Variants in CCR3 observed in about 807,000 individuals in gnomAD.
CCR3 encodes the protein C-C chemokine receptor type 3.
For synonymous variants in CCR3, 203 were observed against 179.2 expected (o/e 1.13, Z -1.06); for missense variants, 419 against 437.5 (o/e 0.96, Z 0.38).
chr3:46,230,763 G>A (rs574767550), intron 2 of CCR3, among the ~76,000 whole-genome samples: 73 of 152,202 alleles, frequency 4.8e-4, no homozygotes, highest in African/African-American at 1.7e-3. Context: ...GAGCCTGGGT[G>A]CATTAAAGTC....
At chr3:46,243,010 C>CATATATATATATATATAT (rs1700122551) in intron 1 of CCR3, among the ~76,000 whole-genome samples, 2 of 58,164 alleles carry the variant, frequency 3.4e-5, no homozygotes, top group African/African-American at 2.5e-4. Context: ...TATACGCACA[C>CATATATATATATATATAT]ACACATACAT....
intron 1 of CCR3, among the ~76,000 whole-genome samples, chr3:46,262,227 T>C (rs1280949712): frequency 6.6e-6 from 1 of 152,256 alleles, no homozygotes; most frequent in Non-Finnish European, 1.5e-5. Flanking sequence ...TAAACCACTT[T>C]GGACTAAAAT....
At chr3:46,239,128 G>A (rs937560346), upstream of CCR3, among the ~76,000 whole-genome samples, 10 of 152,266 alleles carry the variant, frequency 6.6e-5, no homozygotes, top group East Asian at 1.9e-4. Context: ...GAGGGAAATC[G>A]TAGAGATTAT....
intron 1 of CCR3, among the ~76,000 whole-genome samples, chr3:46,243,264 T>C (rs1301554167): frequency 6.6e-6 from 1 of 152,100 alleles, no homozygotes; most frequent in Non-Finnish European, 1.5e-5. Flanking sequence ...CGTGGCAAAT[T>C]CAAGGCTTGG....
chr3:46,260,374 C>T (rs1294168191), intron 1 of CCR3, among the ~76,000 whole-genome samples: 1 of 152,234 alleles, frequency 6.6e-6, no homozygotes, highest in Non-Finnish European at 1.5e-5. Flanking sequence ...TCCAACATCT[C>T]ATCTGAGACA....
At chr3:46,219,323 C>A (rs1036336645) in intron 2 of CCR3, among the ~76,000 whole-genome samples, 1 of 151,998 alleles carries the variant, frequency 6.6e-6, no homozygotes, top group African/African-American at 2.4e-5. Flanking sequence ...CACTGCTGAA[C>A]GAAATCATAG....
At chr3:46,241,313 G>A (rs747869084), upstream of CCR3, among the ~76,000 whole-genome samples, 1 of 152,098 alleles carries the variant, frequency 6.6e-6, no homozygotes, top group African/African-American at 2.4e-5. Context: ...CTCATTTGTC[G>A]AGTTAGTCAG....
At chr3:46,215,206 T>A (rs1173420894) in intron 2 of CCR3, among the ~76,000 whole-genome samples, 1 of 152,182 alleles carries the variant, frequency 6.6e-6, no homozygotes, top group African/African-American at 2.4e-5. Flanking sequence ...TTTGTTCCCT[T>A]ACACCTCATC....
At chr3:46,236,501 C>T (rs1700026456) in intron 2 of CCR3, among the ~76,000 whole-genome samples, 1 of 152,246 alleles carries the variant, frequency 6.6e-6, no homozygotes. Context: ...CATGTAACCT[C>T]TCCACCCTGG....
chr3:46,228,567 A>C (rs1376480792), intron 2 of CCR3, among the ~76,000 whole-genome samples: 1 of 152,248 alleles, frequency 6.6e-6, no homozygotes, highest in Non-Finnish European at 1.5e-5. Context: ...TGGTACCCAG[A>C]CTTATTTTGA....
intron 2 of CCR3, among the ~76,000 whole-genome samples, chr3:46,236,040 A>G (rs1443773516): frequency 6.6e-6 from 1 of 152,178 alleles, no homozygotes; most frequent in Non-Finnish European, 1.5e-5. Flanking sequence ...TATTTAATCT[A>G]TAATATTTAT....
chr3:46,212,667 T>G (rs1413168025), intron 2 of CCR3, among the ~76,000 whole-genome samples: 1 of 152,106 alleles, frequency 6.6e-6, no homozygotes, highest in Non-Finnish European at 1.5e-5. Context: ...AACTCCAACT[T>G]GACAAACCAA....
chr3:46,249,171 A>G (rs1383874109), intron 1 of CCR3, among the ~76,000 whole-genome samples: 1 of 152,096 alleles, frequency 6.6e-6, no homozygotes, highest in Non-Finnish European at 1.5e-5. Context: ...GGGGAATACA[A>G]GAAGAGGACG....
intron 1 of CCR3, among the ~76,000 whole-genome samples, chr3:46,262,497 T>C (rs1315839837): frequency 4.6e-5 from 7 of 152,210 alleles, no homozygotes; most frequent in Admixed American, 3.9e-4. Context: ...TTCTTACTTA[T>C]TTACGATTAC....
intron 1 of CCR3, among the ~76,000 whole-genome samples, chr3:46,259,408 AT>A (rs1348071773): frequency 2.0e-5 from 3 of 152,188 alleles, no homozygotes; most frequent in Non-Finnish European, 4.4e-5. Context: ...GATATACAAC[AT>A]TTTGGCTGAT....
intron 1 of CCR3, among the ~76,000 whole-genome samples, chr3:46,260,401 C>T (rs1449462520): frequency 3.3e-5 from 5 of 152,204 alleles, no homozygotes; most frequent in Non-Finnish European, 5.9e-5. Context: ...GTCCCTTCTG[C>T]CTATGAACTT....
At chr3:46,254,881 CT>C (rs1262033568) in intron 1 of CCR3, among the ~76,000 whole-genome samples, 1 of 152,008 alleles carries the variant, frequency 6.6e-6, no homozygotes, top group Non-Finnish European at 1.5e-5. Context: ...AAGTATCTTT[CT>C]CATATAGTGA....
intron 1 of CCR3, among the ~76,000 whole-genome samples, chr3:46,260,722 T>C (rs144437819): frequency 6.6e-6 from 1 of 152,334 alleles, no homozygotes; most frequent in African/African-American, 2.4e-5. Context: ...TAATCAAAGA[T>C]CTTGATAAAC....
At position 46,265,295 on chromosome 3, in the gene CCR3, C is replaced by T; in HGVS notation, c.137C>T (p.Thr46Ile). ...CCCCCGCTGTACTCCCTGGTGTTCA[C>T]TGTGGGCCTCTTGGGCAATGTGGTG... is the stretch of plus-strand genomic sequence containing the variant. ...FVPPLYSLVF[T>I]VGLLGNVVVV... The change falls in exon 2 of 2, where the codon ACT becomes ATT. Residue 46 changes from threonine (T) to isoleucine (I), a missense_variant. Coordinates refer to ENST00000395940, the MANE Select transcript of CCR3 (RefSeq NM_178329.3). The T allele has an allele frequency of 6.2e-7, 1 of 1,614,102 alleles. No homozygotes were observed. The highest frequency in any genetic ancestry group is 8.5e-7 in the Non-Finnish European group (1 of 1,180,002).
Sources: gnomAD v4.1 joint callset for allele counts (sites outside exome capture counted in the v4.1 genomes callset) on GRCh38, gnomAD v4.1.1 for gene constraint, MANE v1.5 for transcripts, NCBI Gene and HGNC (gene_info 2026-07-23, HGNC 2026-07-21) for gene names.